Variants in SPOCK1 observed in about 807,000 individuals in gnomAD.
The protein encoded by SPOCK1 is testican-1.
In SPOCK1, 23 loss-of-function variants were observed where a neutral mutation model predicts 55.3. That is an observed-to-expected ratio of 0.42 (90% CI 0.30 to 0.59). The LOEUF (loss-of-function observed/expected upper bound fraction) is 0.59. Among genes scored for constraint, SPOCK1 ranks in the 20% least tolerant of loss-of-function variants. The probability of loss-of-function intolerance (pLI) is 0.22; values close to 1 mark genes in which losing one functional copy is unlikely to be tolerated. For synonymous variants in SPOCK1, 226 were observed against 221.0 expected (o/e 1.02, Z -0.20); for missense variants, 499 against 552.5 (o/e 0.90, Z 0.97).
At chr5:137,377,618 A>G (rs1038357340) in intron 2 of SPOCK1, among the ~76,000 whole-genome samples, 6 of 152,214 alleles carry the variant, frequency 3.9e-5, no homozygotes, top group Non-Finnish European at 8.8e-5. Context: ...CTACTTGTGG[A>G]ATAATAAATT....
At chr5:137,162,992 A>G (rs943857506) in intron 3 of SPOCK1, among the ~76,000 whole-genome samples, 1 of 152,198 alleles carries the variant, frequency 6.6e-6, no homozygotes, top group African/African-American at 2.4e-5. Context: ...GACTTTTCCA[A>G]GGTTCTTTAG....
At chr5:137,200,614 T>C (rs976175420) in intron 3 of SPOCK1, among the ~76,000 whole-genome samples, 3 of 152,184 alleles carry the variant, frequency 2.0e-5, no homozygotes, top group African/African-American at 7.2e-5. Context: ...AATGGATGAA[T>C]TTACAAATTT....
At chr5:137,286,740 G>A (rs907656048) in intron 2 of SPOCK1, among the ~76,000 whole-genome samples, 11 of 152,224 alleles carry the variant, frequency 7.2e-5, no homozygotes, top group Non-Finnish European at 1.5e-4. Context: ...CAGGTACCAA[G>A]TCTCGGCCAC....
intron 2 of SPOCK1, among the ~76,000 whole-genome samples, chr5:137,344,731 GTTTCACAT>G (rs1440831383): frequency 1.3e-5 from 2 of 152,144 alleles, no homozygotes; most frequent in Non-Finnish European, 2.9e-5. Context: ...TGGGCATAAG[GTTTCACAT>G]AAAGTATTTA....
Position 137,499,303 on chromosome 5 carries a change from C to G in SPOCK1, c.-125G>C, listed in dbSNP as rs1400566963. The G allele has an allele frequency of 6.6e-6, 1 of 151,712 alleles. No homozygotes were observed. Among genetic ancestry groups the G allele is most frequent in the Non-Finnish European group, 1.5e-5 (1 of 67,896 alleles). 9.4% of individuals were successfully genotyped at this position (151,712 alleles called of 1,614,324 possible). On this transcript the variant is annotated 5_prime_UTR_variant, in exon 1 of 11. Coordinates refer to ENST00000394945, the MANE Select transcript of SPOCK1 (RefSeq NM_004598.4). ...CACACGCCGCCGCCGAGCGTCTGGC[C>G]GCTTTGTGAGCCCGCAGCGATGTGC...
chr5:137,405,771 A>T (rs1187472763), intron 2 of SPOCK1, among the ~76,000 whole-genome samples: 1 of 152,022 alleles, frequency 6.6e-6, no homozygotes, highest in African/African-American at 2.4e-5. Flanking sequence ...ATTTAAGAGG[A>T]TATTCCTTGT....
chr5:137,025,440 A>T (rs187751671), intron 6 of SPOCK1, among the ~76,000 whole-genome samples: 1 of 152,054 alleles, frequency 6.6e-6, no homozygotes, highest in Non-Finnish European at 1.5e-5. Context: ...TGCCCATATC[A>T]CTCCCTTCTA....
At chr5:137,479,263 C>G (rs958457862) in intron 2 of SPOCK1, among the ~76,000 whole-genome samples, 1 of 152,126 alleles carries the variant, frequency 6.6e-6, no homozygotes, top group African/African-American at 2.4e-5. Context: ...AGAGAAGATG[C>G]AGCATTAGGG....
chr5:137,325,810 G>C (rs1370566363), intron 2 of SPOCK1, among the ~76,000 whole-genome samples: 1 of 152,182 alleles, frequency 6.6e-6, no homozygotes, highest in Admixed American at 6.5e-5. Flanking sequence ...AGTTTACACG[G>C]GGCAACCAGC....
chr5:137,293,524 C>A (rs756118995), intron 2 of SPOCK1, among the ~76,000 whole-genome samples: 3 of 152,046 alleles, frequency 2.0e-5, no homozygotes, highest in Non-Finnish European at 4.4e-5. Flanking sequence ...CTGGGACTTA[C>A]CCACAGAAAT....
chr5:137,282,073 C>T (rs1241824790), intron 2 of SPOCK1, among the ~76,000 whole-genome samples: 2 of 152,168 alleles, frequency 1.3e-5, no homozygotes, highest in African/African-American at 2.4e-5. Flanking sequence ...CCTACTCTAT[C>T]GGGTTAACGG....
chr5:137,018,566 C>A (rs1413989297), intron 6 of SPOCK1, among the ~76,000 whole-genome samples: 4 of 152,062 alleles, frequency 2.6e-5, no homozygotes, highest in Non-Finnish European at 4.4e-5. Context: ...TATGTACATC[C>A]ACAGAGGAAT....
chr5:137,151,506 C>T (rs1754318533), intron 3 of SPOCK1, among the ~76,000 whole-genome samples: 1 of 152,110 alleles, frequency 6.6e-6, no homozygotes, highest in African/African-American at 2.4e-5. Context: ...TTAAAGGGTC[C>T]TAGAATGAAG....
At chr5:137,028,572 A>G (rs1251357214) in intron 6 of SPOCK1, among the ~76,000 whole-genome samples, 3 of 152,118 alleles carry the variant, frequency 2.0e-5, no homozygotes, top group African/African-American at 7.2e-5. Context: ...ATTCCAGATC[A>G]CTGCTTAAGG....
intron 2 of SPOCK1, among the ~76,000 whole-genome samples, chr5:137,461,474 T>C (rs1422217394): frequency 6.6e-6 from 1 of 152,218 alleles, no homozygotes; most frequent in Non-Finnish European, 1.5e-5. Context: ...AAGCAGCTTT[T>C]GGGGGCAGCC....
At chr5:137,007,689 T>C (rs1751276645) in intron 6 of SPOCK1, among the ~76,000 whole-genome samples, 2 of 152,072 alleles carry the variant, frequency 1.3e-5, no homozygotes, top group African/African-American at 4.8e-5. Flanking sequence ...ACACTGTGGG[T>C]GGGAGTGTAA....
At chr5:137,475,196 A>G (rs973691755) in intron 2 of SPOCK1, among the ~76,000 whole-genome samples, 1 of 152,182 alleles carries the variant, frequency 6.6e-6, no homozygotes, top group Non-Finnish European at 1.5e-5. Context: ...ATCAGAGTCC[A>G]ATCGTGAAGA....
At chr5:137,075,756 G>A (rs745846558) in intron 5 of SPOCK1, among the ~76,000 whole-genome samples, 11 of 152,106 alleles carry the variant, frequency 7.2e-5, no homozygotes, top group Non-Finnish European at 1.6e-4. Context: ...GGAGAGGAGT[G>A]CAGCCCTGAC....
chr5:137,385,479 A>G (rs889813327), intron 2 of SPOCK1, among the ~76,000 whole-genome samples: 12 of 152,250 alleles, frequency 7.9e-5, no homozygotes, highest in African/African-American at 2.9e-4. Context: ...AGCACCAAAG[A>G]GTAACCAGCA....
Sources: allele counts gnomAD v4.1 joint callset (sites outside exome capture counted in the v4.1 genomes callset), GRCh38; gene constraint gnomAD v4.1.1; transcripts MANE v1.5; gene names NCBI Gene and HGNC (gene_info 2026-07-23, HGNC 2026-07-21).